Variants in NBDY observed in about 807,000 individuals in gnomAD.
The protein encoded by NBDY is negative regulator of P-body association.
At chrX:56,797,120 TTTCTTC>T (rs1222696632) in intron 2 of NBDY, among the ~76,000 whole-genome samples, 11 of 108,637 alleles carry the variant, frequency 1.0e-4, no homozygotes, top group Non-Finnish European at 1.9e-5. Context: ...CCTCTTCTTC[TTTCTTC>T]TTCTTCTTCC....
At chrX:56,791,234 T>TG (rs1238190451) in intron 2 of NBDY, among the ~76,000 whole-genome samples, 4 of 112,336 alleles carry the variant, frequency 3.6e-5, no homozygotes, top group Admixed American at 2.8e-4. Flanking sequence ...CATGGTCTAC[T>TG]GGGGGAGGGG....
intron 2 of NBDY, among the ~76,000 whole-genome samples, chrX:56,753,995 G>A (rs771985359): frequency 1.8e-5 from 2 of 111,273 alleles, no homozygotes; most frequent in Admixed American, 1.9e-4. Flanking sequence ...GGGGAAGAAA[G>A]TTATAATAGG....
At chrX:56,729,859 A>G (rs756623343) in intron 1 of NBDY, among the ~76,000 whole-genome samples, 1 of 111,876 alleles carries the variant, frequency 8.9e-6, no homozygotes, top group East Asian at 2.8e-4. Flanking sequence ...GCTTGAAAGT[A>G]AGTCATTGGT....
intron 2 of NBDY, among the ~76,000 whole-genome samples, chrX:56,816,373 T>C (rs1045952029): frequency 9.0e-6 from 1 of 111,680 alleles, no homozygotes; most frequent in Admixed American, 9.6e-5. Context: ...AAGTATTTTA[T>C]CTCTATCGTA....
rs367679926 is a variant in NBDY at position 56,806,360 on chromosome X, G to A, written c.*167-10960G>A. On this transcript the variant is annotated intron_variant, in intron 2 of 2. Transcript: ENST00000374922. ...AGTAATAAGATTGATGAGTCAAATG[G>A]TATTTTTAGTTCTAGATGCTTGAAG... Among the ~76,000 whole-genome samples, 9 of 111,811 alleles carry A rather than the reference G, an allele frequency of 8.0e-5. No homozygotes were observed. The East Asian group carries it at 2.0e-3, about 24-fold the overall frequency.
chrX:56,793,858 C>A (rs1446894290), intron 2 of NBDY, among the ~76,000 whole-genome samples: 4 of 111,645 alleles, frequency 3.6e-5, no homozygotes, highest in African/African-American at 9.8e-5. Flanking sequence ...TCTCCAGGAA[C>A]TGCCAGGCAT....
chrX:56,744,967 G>C (rs1185931996), intron 2 of NBDY, among the ~76,000 whole-genome samples: 1 of 111,301 alleles, frequency 9.0e-6, no homozygotes, highest in Non-Finnish European at 1.9e-5. Context: ...CCCTTATTAA[G>C]TTGAAAACTT....
At chrX:56,761,646 A>G (rs994123799) in intron 2 of NBDY, among the ~76,000 whole-genome samples, 13 of 112,418 alleles carry the variant, frequency 1.2e-4, no homozygotes, top group South Asian at 3.6e-4. Context: ...TTTCTTCTTC[A>G]CTGTCTTTAC....
chrX:56,808,974 C>T (rs1428499903), intron 2 of NBDY, among the ~76,000 whole-genome samples: 1 of 112,475 alleles, frequency 8.9e-6, no homozygotes, highest in Non-Finnish European at 1.9e-5. Context: ...TGTTCTCATT[C>T]ATTCAAGGAA....
chrX:56,805,025 C>T (rs1276001085), intron 2 of NBDY, among the ~76,000 whole-genome samples: 1 of 112,282 alleles, frequency 8.9e-6, no homozygotes. Flanking sequence ...ATTCACCCTA[C>T]AGGTTATGAT....
chrX:56,788,315 A>G (rs183895829), intron 2 of NBDY, among the ~76,000 whole-genome samples: 126 of 113,090 alleles, frequency 1.1e-3, no homozygotes, highest in African/African-American at 4.0e-3. Flanking sequence ...TGTAGTTGGC[A>G]TTTGTGGAGC....
chrX:56,763,849 C>G (rs1191668852), intron 2 of NBDY, among the ~76,000 whole-genome samples: 1 of 112,076 alleles, frequency 8.9e-6, no homozygotes, highest in Non-Finnish European at 1.9e-5. Context: ...TCCTCTTTAC[C>G]TTTTTTCACA....
At chrX:56,782,185 G>T (rs2069695959) in intron 2 of NBDY, among the ~76,000 whole-genome samples, 1 of 110,735 alleles carries the variant, frequency 9.0e-6, no homozygotes, top group Non-Finnish European at 1.9e-5. Context: ...CAGCTACAGT[G>T]GCATGGACCT....
At chrX:56,785,474 T>A (rs1482233409) in intron 2 of NBDY, among the ~76,000 whole-genome samples, 4 of 111,302 alleles carry the variant, frequency 3.6e-5, no homozygotes, top group African/African-American at 1.3e-4. Context: ...GCCAGACACC[T>A]TCATTCACCT....
intron 2 of NBDY, among the ~76,000 whole-genome samples, chrX:56,781,746 T>C (rs2069692658): frequency 8.9e-6 from 1 of 112,289 alleles, no homozygotes; most frequent in African/African-American, 3.2e-5. Flanking sequence ...TTACTGTTTC[T>C]AAGGAAATTA....
chrX:56,796,087 T>A (rs1428801648), intron 2 of NBDY, among the ~76,000 whole-genome samples: 2 of 112,078 alleles, frequency 1.8e-5, no homozygotes, highest in African/African-American at 6.5e-5. Flanking sequence ...AGGTTTCCGG[T>A]TCCCTCTTCA....
intron 2 of NBDY, among the ~76,000 whole-genome samples, chrX:56,748,353 A>C (rs896539122): frequency 1.8e-5 from 2 of 111,220 alleles, no homozygotes; most frequent in Admixed American, 1.9e-4. Context: ...AGAATACAAG[A>C]AAAAGAGCAG....
At chrX:56,808,577 T>C (rs1226332606) in intron 2 of NBDY, among the ~76,000 whole-genome samples, 1 of 112,441 alleles carries the variant, frequency 8.9e-6, no homozygotes, top group Non-Finnish European at 1.9e-5. Flanking sequence ...TGATGGTAGT[T>C]TGTATTTCTG....
intron 2 of NBDY, among the ~76,000 whole-genome samples, chrX:56,733,987 T>A (rs747647056): frequency 2.0e-4 from 22 of 112,621 alleles, no homozygotes; most frequent in Non-Finnish European, 3.9e-4. Flanking sequence ...TACTGCTGAA[T>A]CTTTTCATAA....
Sources: allele counts gnomAD v4.1 joint callset (sites outside exome capture counted in the v4.1 genomes callset), GRCh38; gene constraint gnomAD v4.1.1; transcripts MANE v1.5; gene names NCBI Gene and HGNC (gene_info 2026-07-23, HGNC 2026-07-21).